Variants in NBEA observed in about 807,000 individuals in gnomAD.
NBEA encodes the protein neurobeachin.
NBEA carries 44 observed loss-of-function variants against 343.4 expected under a neutral mutation model. The observed-to-expected ratio is 0.13, with a 90% CI of 0.10 to 0.16. The LOEUF is 0.16. Among genes scored for constraint, NBEA ranks in the 10% least tolerant of loss-of-function variants. The pLI is 1.00. For missense variants in NBEA, 2,555 were observed against 3,631.3 expected, an observed-to-expected ratio of 0.70 and a Z score of 7.62; for synonymous variants, 1,175 against 1,238.7, an observed-to-expected ratio of 0.95 and a Z score of 1.08.
chr13:35,579,930 T>A (rs945272434), intron 45 of NBEA, among the ~76,000 whole-genome samples: 1 of 152,090 alleles, frequency 6.6e-6, no homozygotes, highest in African/African-American at 2.4e-5. Flanking sequence ...CTAACTACAG[T>A]AGTGTTTCAT....
At position 35,300,935 on chromosome 13, in the gene NBEA, C is replaced by A. The variant is rs2036498934; in HGVS notation, c.5839-8593C>A. Among the ~76,000 whole-genome samples, 3 of 152,160 alleles carry A rather than the reference C, an allele frequency of 2.0e-5. No homozygotes were observed. The South Asian group carries it at 6.2e-4, about 32-fold the overall frequency. ...CTACCTAGGATGTAAAGGGATTGGA[C>A]TTCTCAACTAAATATGGTAAAAAAA... On this transcript the variant is annotated intron_variant, in intron 35 of 58. Coordinates refer to ENST00000379939, the MANE Select transcript of NBEA (RefSeq NM_001385012.1).
chr13:35,249,282 A>G (rs1462324645), intron 34 of NBEA, among the ~76,000 whole-genome samples: 1 of 152,176 alleles, frequency 6.6e-6, no homozygotes, highest in African/African-American at 2.4e-5. Flanking sequence ...TCAAAATTTT[A>G]AACTTCTGTG....
chr13:35,627,470 A>G (rs2083278946), intron 48 of NBEA, among the ~76,000 whole-genome samples: 1 of 151,970 alleles, frequency 6.6e-6, no homozygotes, highest in East Asian at 1.9e-4. Flanking sequence ...GTTTATGGAA[A>G]CTTAGTATGG....
chr13:35,398,489 T>G (rs576852980), intron 38 of NBEA, among the ~76,000 whole-genome samples: 2 of 152,122 alleles, frequency 1.3e-5, no homozygotes, highest in African/African-American at 4.8e-5. Flanking sequence ...AATTGAAAGT[T>G]GAAATAACTC....
chr13:34,968,549 G>C (rs1476063041), intron 1 of NBEA, among the ~76,000 whole-genome samples: 1 of 152,104 alleles, frequency 6.6e-6, no homozygotes, highest in South Asian at 2.1e-4. Context: ...TAAATTATAC[G>C]ATAGGCAGCC....
At chr13:35,476,727 AGGG>A in intron 41 of NBEA, 2 of 1,060,816 alleles carry the variant, frequency 1.9e-6, no homozygotes. Context: ...TTATAAAGGC[AGGG>A]CCAGGCAGGC....
intron 1 of NBEA, among the ~76,000 whole-genome samples, chr13:34,992,486 C>G (rs900781774): frequency 6.6e-6 from 1 of 151,436 alleles, no homozygotes; most frequent in African/African-American, 2.4e-5. Flanking sequence ...GAACTCCTGA[C>G]CACCACGCCC....
At chr13:34,993,706 A>T (rs1407778653) in intron 1 of NBEA, among the ~76,000 whole-genome samples, 1 of 152,228 alleles carries the variant, frequency 6.6e-6, no homozygotes, top group African/African-American at 2.4e-5. Flanking sequence ...ACAGGCTATA[A>T]TGTCTATCCC....
chr13:35,186,545 G>A (rs1047499941), intron 30 of NBEA: 20 of 152,042 alleles, frequency 1.3e-4, no homozygotes, highest in Admixed American at 1.2e-3. Flanking sequence ...CAACATACCT[G>A]TGTGACACTA....
rs567905251 is a variant in NBEA at position 34,994,903 on chromosome 13, C to T, written c.295-46030C>T. 8.5e-5 allele frequency among the ~76,000 whole-genome samples: 13 copies of T among 152,162 alleles called. No individual in the cohort carries two copies. The South Asian group carries it at 1.0e-3, about 12-fold the overall frequency. Reference sequence around the variant, plus strand: ...GGTATTATGGGCAAATGATAATGTTCGTATTTGAATAGTTGATAGCTTAAT... The same window carrying T: ...GGTATTATGGGCAAATGATAATGTTTGTATTTGAATAGTTGATAGCTTAAT... On this transcript the variant is annotated intron_variant, in intron 1 of 58. Coordinates refer to ENST00000379939, the MANE Select transcript of NBEA (RefSeq NM_001385012.1).
intron 1 of NBEA, among the ~76,000 whole-genome samples, chr13:34,964,801 G>T (rs993384476): frequency 6.6e-6 from 1 of 151,980 alleles, no homozygotes; most frequent in South Asian, 2.1e-4. Flanking sequence ...TAGTAGGTAC[G>T]TGCTTGATCC....
At chr13:35,015,324 G>T (rs2061621036) in intron 1 of NBEA, among the ~76,000 whole-genome samples, 1 of 151,856 alleles carries the variant, frequency 6.6e-6, no homozygotes, top group Non-Finnish European at 1.5e-5. Flanking sequence ...GAGTTATTGA[G>T]AAACTAAGTA....
intron 8 of NBEA, 95 bp from the exon 9 acceptor site, chr13:35,069,813 A>G (rs1370176843): frequency 2.0e-5 from 16 of 808,924 alleles, no homozygotes; most frequent in Non-Finnish European, 3.0e-5. Flanking sequence ...AAGGTACACA[A>G]GTAGTTTATT....
chr13:35,275,277 A>G (rs2034497386), intron 34 of NBEA, among the ~76,000 whole-genome samples: 1 of 152,186 alleles, frequency 6.6e-6, no homozygotes. Flanking sequence ...TATTTAATAA[A>G]TGGTGCTGGG....
At chr13:35,272,038 C>T (rs191100348) in intron 34 of NBEA, among the ~76,000 whole-genome samples, 57 of 152,100 alleles carry the variant, frequency 3.7e-4, no homozygotes, top group Non-Finnish European at 6.8e-4. Context: ...ACGAGCCACC[C>T]CAAGACACAT....
intron 38 of NBEA, among the ~76,000 whole-genome samples, chr13:35,424,977 TGG>T (rs1218141679): frequency 6.6e-6 from 1 of 152,228 alleles, no homozygotes; most frequent in Non-Finnish European, 1.5e-5. Flanking sequence ...TTGTATTCTG[TGG>T]GATCGGTGGT....
intron 10 of NBEA, among the ~76,000 whole-genome samples, chr13:35,092,334 C>G (rs549560763): frequency 6.6e-6 from 1 of 151,820 alleles, no homozygotes; most frequent in Non-Finnish European, 1.5e-5. Context: ...TTAGTTGTGA[C>G]GACGAAAGCA....
At chr13:35,152,384 G>A (rs549158643) in intron 18 of NBEA, among the ~76,000 whole-genome samples, 1 of 152,210 alleles carries the variant, frequency 6.6e-6, no homozygotes, top group East Asian at 1.9e-4. Flanking sequence ...CACAAAGTTA[G>A]GTAGCTTGTC....
intron 39 of NBEA, among the ~76,000 whole-genome samples, chr13:35,451,193 G>T (rs1594682233): frequency 6.6e-6 from 1 of 152,136 alleles, no homozygotes; most frequent in East Asian, 1.9e-4. Flanking sequence ...GCGCGATCTC[G>T]GCTCACTGCA....
Sources: gnomAD v4.1 joint callset for allele counts (sites outside exome capture counted in the v4.1 genomes callset) on GRCh38, gnomAD v4.1.1 for gene constraint, MANE v1.5 for transcripts, NCBI Gene and HGNC (gene_info 2026-07-23, HGNC 2026-07-21) for gene names.